ANK3: variants seen among roughly 807,000 people sequenced by gnomAD.
ANK3 encodes the protein ankyrin-3.
ANK3 carries 57 observed loss-of-function variants against 370.9 expected under a neutral mutation model. The observed-to-expected ratio is 0.15, with a 90% CI of 0.12 to 0.19. ANK3 has a LOEUF of 0.19. Ranked by LOEUF, ANK3 falls within the 10% of genes least tolerant of loss-of-function variation. ANK3 has a pLI of 1.00. For missense variants in ANK3, 4,439 were observed against 5,302.1 expected (o/e 0.84, Z 5.06); for synonymous variants, 1,929 against 1,946.3 (o/e 0.99, Z 0.23).
At chr10:60,382,921 T>C (rs191588049) in intron 1 of ANK3, among the ~76,000 whole-genome samples, 2 of 151,862 alleles carry the variant, frequency 1.3e-5, no homozygotes, top group Admixed American at 6.6e-5. Context: ...CAAATCTAGA[T>C]TTTGCAGTTA....
intron 40 of ANK3, chr10:60,062,810 A>G (rs951940786): frequency 5.0e-6 from 1 of 201,540 alleles, no homozygotes; most frequent in Admixed American, 5.9e-5. Context: ...ATTAAAAGTG[A>G]CAAAAGCAAT....
chr10:60,039,107 T>C (rs539146739), intron 43 of ANK3, among the ~76,000 whole-genome samples: 4 of 152,246 alleles, frequency 2.6e-5, no homozygotes, highest in South Asian at 2.1e-4. Context: ...ACAGGGACCA[T>C]GAAGCATTTA....
chr10:60,224,693 C>T (rs1479140147), intron 8 of ANK3, among the ~76,000 whole-genome samples: 1 of 152,024 alleles, frequency 6.6e-6, no homozygotes, highest in Non-Finnish European at 1.5e-5. Flanking sequence ...ACAAACTCCT[C>T]ACTCTAGAGA....
At chr10:60,065,743 G>A (rs938151755) in intron 38 of ANK3, among the ~76,000 whole-genome samples, 3 of 152,078 alleles carry the variant, frequency 2.0e-5, no homozygotes, top group Non-Finnish European at 2.9e-5. Context: ...ACAGAATTTA[G>A]CCTTAATACA....
chr10:60,103,723 A>T (rs2091709680), intron 28 of ANK3, among the ~76,000 whole-genome samples: 1 of 152,216 alleles, frequency 6.6e-6, no homozygotes, highest in African/African-American at 2.4e-5. Flanking sequence ...GGACTCCAGT[A>T]CTTGATTCTT....
At chr10:60,528,683 G>A (rs2076535345) in intron 2 of ANK3, among the ~76,000 whole-genome samples, 1 of 151,986 alleles carries the variant, frequency 6.6e-6, no homozygotes, top group African/African-American at 2.4e-5. Context: ...TTGCTGTGGG[G>A]TGATGCCCTG....
At chr10:60,709,068 CA>C (rs1456807348) in intron 1 of ANK3, among the ~76,000 whole-genome samples, 2 of 151,948 alleles carry the variant, frequency 1.3e-5, no homozygotes, top group African/African-American at 4.8e-5. Flanking sequence ...GTCTGGCTAT[CA>C]AAAACAAAAC....
chr10:60,161,671 G>A (rs577349411), intron 23 of ANK3, among the ~76,000 whole-genome samples: 61 of 152,106 alleles, frequency 4.0e-4, no homozygotes, highest in African/African-American at 1.5e-3. Context: ...TCACTCATAT[G>A]TGGGAACTGA....
At chr10:60,221,084 C>CT (rs34771679) in intron 8 of ANK3, among the ~76,000 whole-genome samples, 71,253 of 142,074 alleles carry the variant, frequency 0.5, 17,970 homozygotes, top group East Asian at 0.73. Flanking sequence ...TTGATTTTGC[C>CT]TTTTTTTTTT....
At chr10:60,279,777 A>G in intron 1 of ANK3, 138 bp from the exon 2 acceptor site, 2 of 702,298 alleles carry the variant, frequency 2.8e-6, no homozygotes, top group Non-Finnish European at 4.7e-6. Flanking sequence ...AGTTCTTTGT[A>G]AAAAGAACCA....
At chr10:60,199,105 G>C (rs760725184) in intron 13 of ANK3, among the ~76,000 whole-genome samples, 21 of 152,240 alleles carry the variant, frequency 1.4e-4, no homozygotes, top group Non-Finnish European at 2.6e-4. Context: ...GTCTAAACTG[G>C]AGAGCCACCT....
intron 1 of ANK3, among the ~76,000 whole-genome samples, chr10:60,724,557 CA>C (rs1290305242): frequency 1.3e-5 from 2 of 152,132 alleles, no homozygotes; most frequent in East Asian, 1.9e-4. Context: ...CTTTAAGTAT[CA>C]CTTTAGAATT....
In ANK3 at chr10:60,186,860, G is replaced by A. The variant is rs1017693748; in HGVS notation, c.1940C>T (p.Ala647Val). The A allele has an allele frequency of 3.4e-5, 55 of 1,614,048 alleles. No individual in the cohort carries two copies. Among genetic ancestry groups the A allele is most frequent in the Non-Finnish European group, 4.0e-5 (47 of 1,180,040 alleles). The change falls in exon 17 of 44, where the codon GCG (alanine) becomes GTG (valine). Residue 647 changes from alanine to valine, a missense_variant. Coordinates refer to ENST00000280772, the MANE Select transcript of ANK3 (RefSeq NM_020987.5). Reference sequence around the variant, plus strand: ...AGCACCATATTCCAGCAGAGTTGTCGCTATGTCCATCTGGTTCTTTTTGGC... The same window carrying A: ...AGCACCATATTCCAGCAGAGTTGTCACTATGTCCATCTGGTTCTTTTTGGC... ...IAAKKNQMDI[A>V]TTLLEYGADA...
rs375284882 is a variant in ANK3, at chr10:60,132,620, C to A, written c.2841+1651G>T. Among the ~76,000 whole-genome samples, 307 of 143,402 alleles carry A rather than the reference C, an allele frequency of 2.1e-3. 4 individuals are homozygous for A. Among genetic ancestry groups the A allele is most frequent in the African/African-American group, 7.7e-3 (294 of 38,152 alleles). 94.1% of individuals were successfully genotyped at this position (143,402 alleles called of 152,430 possible). A position where few individuals can be genotyped will look rare whatever the true frequency, so the allele number is the denominator to read the frequency against. On this transcript the variant is annotated intron_variant, in intron 25 of 43. Coordinates refer to ENST00000280772, the MANE Select transcript of ANK3 (RefSeq NM_020987.5). ...ACAGACTAATACATGCACCTATAATCAATTTTTTTTTTTTTTGACAGAGTC... is the reference window on the plus strand; with the variant it reads ...ACAGACTAATACATGCACCTATAATAAATTTTTTTTTTTTTTGACAGAGTC...
intron 2 of ANK3, among the ~76,000 whole-genome samples, chr10:60,458,072 C>G (rs1207712672): frequency 1.3e-5 from 2 of 152,046 alleles, no homozygotes; most frequent in Admixed American, 6.6e-5. Flanking sequence ...CTTCAGCTAT[C>G]TAGCACATAG....
chr10:60,072,350 C>T lies in ANK3; in HGVS notation c.8531G>A (p.Arg2844Lys), dbSNP rs375975947. 6.2e-7 allele frequency: 1 copy of T among 1,613,888 alleles called. No homozygotes were observed. The part of the protein sequence containing the change: ...ACHITSDLAT[R>K]GPWDKKVFRT... The stretch of plus-strand genomic sequence containing the variant: ...AAAGACCTTTTTGTCCCATGGTCCC[C>T]TAGTTGCTAAATCTGAGGTTATATG... The change falls in exon 37 of 44, where the codon AGG (arginine) becomes AAG (lysine). Residue 2844 changes from arginine to lysine, a missense_variant. Physicochemically the swap from Arg to Lys is conservative, Grantham distance 26. Coordinates refer to ENST00000280772, the MANE Select transcript of ANK3 (RefSeq NM_020987.5).
At position 60,072,076 on chromosome 10, in the gene ANK3, C is replaced by T. The variant is rs1428402541; in HGVS notation, c.8805G>A (p.Val2935=). 6.2e-7 allele frequency: 1 copy of T among 1,614,084 alleles called. No homozygotes were observed. Among genetic ancestry groups the T allele is most frequent in the Non-Finnish European group, 8.5e-7 (1 of 1,180,010 alleles). ...ATCCGCCTGGATGGTCCCCTTCTTT[C>T]ACAACATATTCCCTATATAAGACTT... ...SKKVLYREYV[V]KEGDHPGGLL... is the part of the protein sequence containing the mutation. Residue 2935 remains valine, a synonymous_variant, in exon 37 of 44, where the codon GTG becomes GTA. Transcript: ENST00000280772.
intron 41 of ANK3, among the ~76,000 whole-genome samples, chr10:60,057,435 T>C (rs1295315546): frequency 6.6e-6 from 1 of 152,226 alleles, no homozygotes; most frequent in African/African-American, 2.4e-5. Flanking sequence ...TATGTGTGTG[T>C]ATTCCTTTAA....
intron 1 of ANK3, among the ~76,000 whole-genome samples, chr10:60,371,911 G>GA (rs1387601214): frequency 1.3e-5 from 2 of 152,050 alleles, no homozygotes; most frequent in African/African-American, 4.8e-5. Flanking sequence ...AGTGGAAGTA[G>GA]AAAAAAGAGA....
Sources: allele counts gnomAD v4.1 joint callset (sites outside exome capture counted in the v4.1 genomes callset), GRCh38; gene constraint gnomAD v4.1.1; transcripts MANE v1.5; gene names NCBI Gene and HGNC (gene_info 2026-07-23, HGNC 2026-07-21).